The following SGCZ variants were observed in gnomAD, a reference collection of about 807,000 sequenced individuals.
SGCZ encodes the protein sarcoglycan zeta, also known as zeta-sarcoglycan.
A neutral mutation model predicts 41.3 loss-of-function variants in SGCZ; 40 were observed. The observed-to-expected ratio is 0.97, with a 90% CI of 0.75 to 1.26. The LOEUF (loss-of-function observed/expected upper bound fraction) is 1.26. SGCZ is among the 50% of genes most tolerant of loss of function. SGCZ has a pLI of 0.00. For missense variants in SGCZ, 552 were observed against 369.8 expected, an observed-to-expected ratio of 1.49 and a Z score of -4.04; for synonymous variants, 206 against 137.5, an observed-to-expected ratio of 1.50 and a Z score of -3.49.
chr8:15,156,653 G>T (rs981429972), intron 1 of SGCZ, among the ~76,000 whole-genome samples: 2 of 152,148 alleles, frequency 1.3e-5, no homozygotes, highest in East Asian at 3.9e-4. Context: ...TGTAAAGAAA[G>T]CACTTCTCGG....
At chr8:14,501,664 C>T (rs965794125) in intron 2 of SGCZ, among the ~76,000 whole-genome samples, 2 of 150,160 alleles carry the variant, frequency 1.3e-5, no homozygotes, top group Non-Finnish European at 3.0e-5. Flanking sequence ...GTATTAGACA[C>T]TTCTTGAAGA....
Position 14,534,493 on chromosome 8 carries a change from T to A in SGCZ, c.234+20239A>T, listed in dbSNP as rs987732358. ...TTCCTTTATCCAATCAGTAAGTAAA[T>A]ATTTGTTGATCATCTAATATATGAG... On this transcript the variant is annotated intron_variant, in intron 2 of 7. Coordinates refer to ENST00000382080, the MANE Select transcript of SGCZ (RefSeq NM_139167.4). 2.0e-5 allele frequency among the ~76,000 whole-genome samples: 3 copies of A among 152,160 alleles called. No homozygotes were observed. In the East Asian group the frequency reaches 5.8e-4, roughly 30 times the overall value.
intron 1 of SGCZ, among the ~76,000 whole-genome samples, chr8:14,615,215 G>T (rs1050436493): frequency 6.6e-6 from 1 of 152,144 alleles, no homozygotes; most frequent in Non-Finnish European, 1.5e-5. Flanking sequence ...TCTGTACTTT[G>T]AATTCCTACA....
rs527820287 is a variant in SGCZ, at chr8:14,228,835, A to T, written c.424+8757T>A. On this transcript the variant is annotated intron_variant, in intron 4 of 7. Coordinates refer to ENST00000382080, the MANE Select transcript of SGCZ (RefSeq NM_139167.4). ...ATTCAAATATGTATATTTTGTCTGG[A>T]AAAGGAAAAATTTCAAAGATATAGT... Among the ~76,000 whole-genome samples the T allele has an allele frequency of 2.7e-3, 405 of 152,256 alleles. 1 individual carries two copies. Among genetic ancestry groups the T allele is most frequent in the African/African-American group, 9.0e-3 (375 of 41,556 alleles).
At chr8:14,508,709 G>C (rs1802380515) in intron 2 of SGCZ, among the ~76,000 whole-genome samples, 1 of 152,108 alleles carries the variant, frequency 6.6e-6, no homozygotes, top group South Asian at 2.1e-4. Context: ...GGTTACACTG[G>C]AACAGTAGCA....
chr8:14,608,042 G>A (rs1435285583), intron 1 of SGCZ, among the ~76,000 whole-genome samples: 1 of 152,144 alleles, frequency 6.6e-6, no homozygotes. Context: ...CAATGTCACT[G>A]TTAACTGTCA....
chr8:14,396,500 T>C (rs1209933019), intron 2 of SGCZ, among the ~76,000 whole-genome samples: 1 of 152,028 alleles, frequency 6.6e-6, no homozygotes, highest in Non-Finnish European at 1.5e-5. Context: ...TGCCTCCTAA[T>C]ACTGTCACAT....
chr8:14,915,936 G>A (rs1219261906), intron 1 of SGCZ, among the ~76,000 whole-genome samples: 1 of 152,102 alleles, frequency 6.6e-6, no homozygotes, highest in Non-Finnish European at 1.5e-5. Flanking sequence ...AATATTTTTT[G>A]TAAATGTTAG....
chr8:15,179,463 A>T (rs1800098966), intron 1 of SGCZ, among the ~76,000 whole-genome samples: 1 of 152,202 alleles, frequency 6.6e-6, no homozygotes, highest in African/African-American at 2.4e-5. Flanking sequence ...GAAAGTAGGC[A>T]TTAAAGGGTT....
At chr8:14,503,650 C>T (rs1345603587) in intron 2 of SGCZ, among the ~76,000 whole-genome samples, 2 of 151,958 alleles carry the variant, frequency 1.3e-5, no homozygotes, top group Non-Finnish European at 2.9e-5. Context: ...TGCCTGTAGT[C>T]CCAGTTACTA....
At chr8:14,734,968 T>C (rs185406381) in intron 1 of SGCZ, among the ~76,000 whole-genome samples, 51 of 152,290 alleles carry the variant, frequency 3.3e-4, no homozygotes, top group Non-Finnish European at 4.7e-4. Flanking sequence ...TAATTGCTTG[T>C]TATCTATGTA....
chr8:14,318,125 T>A (rs1354648427), intron 3 of SGCZ, among the ~76,000 whole-genome samples: 1 of 151,568 alleles, frequency 6.6e-6, no homozygotes, highest in Non-Finnish European at 1.5e-5. Flanking sequence ...AATATGACTA[T>A]TCCAATTATG....
chr8:14,338,476 A>G lies in SGCZ; in HGVS notation c.235-14272T>C, dbSNP rs148822522. On this transcript the variant is annotated intron_variant, in intron 2 of 7. Transcript: ENST00000382080. ...TTCTCAAGAGCCATTCTAGCTCCCA[A>G]TATCCTGCTTGGGGGCAGGTGGTGC... is the stretch of plus-strand genomic sequence containing the variant. 4.2e-4 allele frequency among the ~76,000 whole-genome samples: 64 copies of G among 152,226 alleles called. 1 individual carries two copies. Among genetic ancestry groups the G allele is most frequent in the African/African-American group, 1.4e-3 (58 of 41,542 alleles).
chr8:14,441,512 T>A (rs1029353891), intron 2 of SGCZ, among the ~76,000 whole-genome samples: 5 of 152,052 alleles, frequency 3.3e-5, no homozygotes, highest in Admixed American at 3.3e-4. Context: ...GAGGTGGAGG[T>A]TGCAGTAAGC....
intron 1 of SGCZ, among the ~76,000 whole-genome samples, chr8:15,196,187 G>T (rs1234482393): frequency 7.5e-6 from 1 of 133,994 alleles, no homozygotes; most frequent in Non-Finnish European, 1.7e-5. Flanking sequence ...GTGAGCCACC[G>T]CGCCCGGCCA....
At chr8:14,802,620 G>A (rs1801359912) in intron 1 of SGCZ, among the ~76,000 whole-genome samples, 1 of 152,134 alleles carries the variant, frequency 6.6e-6, no homozygotes. Flanking sequence ...GAGAGACAGA[G>A]AGAGAAACAC....
intron 2 of SGCZ, among the ~76,000 whole-genome samples, chr8:14,495,377 C>A (rs949055568): frequency 6.6e-6 from 1 of 152,154 alleles, no homozygotes; most frequent in Non-Finnish European, 1.5e-5. Context: ...TGCTTATTGA[C>A]ATAACTGATT....
At chr8:14,692,052 C>G (rs1311495546) in intron 1 of SGCZ, among the ~76,000 whole-genome samples, 1 of 151,800 alleles carries the variant, frequency 6.6e-6, no homozygotes, top group Non-Finnish European at 1.5e-5. Flanking sequence ...TTAAATTTCT[C>G]AAGAATGTCA....
chr8:15,206,616 T>C (rs988700372), intron 1 of SGCZ, among the ~76,000 whole-genome samples: 9 of 152,024 alleles, frequency 5.9e-5, no homozygotes, highest in Non-Finnish European at 1.0e-4. Context: ...ACTTGGCTAA[T>C]TTTTCTCTTT....
Sources: gnomAD v4.1 joint callset for allele counts (sites outside exome capture counted in the v4.1 genomes callset) on GRCh38, gnomAD v4.1.1 for gene constraint, MANE v1.5 for transcripts, NCBI Gene and HGNC (gene_info 2026-07-23, HGNC 2026-07-21) for gene names.